Variants in KDM6A observed in about 807,000 individuals in gnomAD.
The protein encoded by KDM6A is lysine demethylase 6A, also known as lysine-specific demethylase 6A.
A neutral mutation model predicts 117.6 loss-of-function variants in KDM6A; 11 were observed. The observed-to-expected ratio is 0.09, with a 90% CI of 0.06 to 0.15. KDM6A has a LOEUF of 0.15. KDM6A is among the 10% of genes least tolerant of loss of function. The pLI is 1.00. For synonymous variants in KDM6A, 384 were observed against 396.1 expected, an observed-to-expected ratio of 0.97 and a Z score of 0.36; for missense variants, 799 against 1,077.3, an observed-to-expected ratio of 0.74 and a Z score of 3.62.
Position 45,082,592 on chromosome X carries a change from G to A in KDM6A, c.3317G>A (p.Arg1106Lys), listed in dbSNP as rs2148141304. Residue 1106 changes from arginine (R) to lysine (K), a missense_variant, in exon 22 of 30, where the codon AGA (arginine) becomes AAA (lysine). Physicochemically the swap from Arg to Lys is conservative, Grantham distance 26 (BLOSUM62 2). This residue lies in a region of KDM6A where 291 missense variants were observed against 437.9 expected (regional missense o/e 0.66). Transcript: ENST00000611820. ...AATCTATAGGAAGAAAATGAAAAAA[G>A]AAGTCATCATAAAGACCACTCAGAT... is the stretch of plus-strand genomic sequence containing the variant. The part of the protein sequence containing the change: ...QESLREENEK[R>K]SHHKDHSDSE... 8.4e-7 allele frequency: 1 copy of A among 1,191,966 alleles called. No homozygotes were observed. Among genetic ancestry groups the A allele is most frequent in the Non-Finnish European group, 1.1e-6 (1 of 879,169 alleles).
intron 2 of KDM6A, among the ~76,000 whole-genome samples, chrX:44,909,471 A>T (rs761786164): frequency 7.1e-4 from 78 of 110,389 alleles, no homozygotes; most frequent in South Asian, 3.9e-3. Context: ...CTTTGCTGCC[A>T]CCCTTCACCC....
chrX:45,031,685 G>A lies in KDM6A; in HGVS notation c.565-3246G>A, dbSNP rs191026146. On this transcript the variant is annotated intron_variant, in intron 6 of 29. Transcript: ENST00000611820. Reference sequence around the variant, plus strand: ...AAAAGTTATCCCATTGCTTGTTTTCGGGATTGGGAATATAGTTGAAGGGTT... The same window carrying A: ...AAAAGTTATCCCATTGCTTGTTTTCAGGATTGGGAATATAGTTGAAGGGTT... Among the ~76,000 whole-genome samples the A allele has an allele frequency of 3.3e-4, 37 of 111,347 alleles. No individual in the cohort carries two copies. In the East Asian group the frequency reaches 8.1e-3, roughly 24 times the overall value.
At chrX:44,947,088 G>T (rs2037685799) in intron 2 of KDM6A, among the ~76,000 whole-genome samples, 1 of 111,647 alleles carries the variant, frequency 9.0e-6, no homozygotes, top group South Asian at 3.7e-4. Context: ...TACATTTGTT[G>T]TGATTAAAAT....
At chrX:44,937,508 T>G (rs1392021170) in intron 2 of KDM6A, among the ~76,000 whole-genome samples, 1 of 111,726 alleles carries the variant, frequency 9.0e-6, no homozygotes, top group Non-Finnish European at 1.9e-5. Context: ...TTATCATTGA[T>G]CAGTGACCTT....
chrX:44,900,870 G>T (rs776024475), intron 2 of KDM6A, among the ~76,000 whole-genome samples: 2 of 112,028 alleles, frequency 1.8e-5, no homozygotes, highest in Non-Finnish European at 3.8e-5. Flanking sequence ...GACAGAGCTA[G>T]ACTTCGTCTC....
At chrX:44,917,219 G>A (rs2035621764) in intron 2 of KDM6A, among the ~76,000 whole-genome samples, 1 of 109,898 alleles carries the variant, frequency 9.1e-6, no homozygotes, top group South Asian at 3.9e-4. Flanking sequence ...TAGAGATAGG[G>A]TTTCACCATG....
At position 45,000,837 on chromosome X, in the gene KDM6A, A is replaced by G. The variant is rs947188598; in HGVS notation, c.385-10124A>G. ...CTACTCCAGGCTGTAGAATCCTGGA[A>G]AAGAGCTACCATGCAGCCCACACCA... is the stretch of plus-strand genomic sequence containing the variant. On this transcript the variant is annotated intron_variant, in intron 4 of 29. Transcript: ENST00000611820. Among the ~76,000 whole-genome samples, 3 of 112,664 alleles carry G rather than the reference A, an allele frequency of 2.7e-5. No individual in the cohort carries two copies. In the South Asian group the frequency reaches 1.1e-3, roughly 41 times the overall value.
intron 17 of KDM6A, among the ~76,000 whole-genome samples, chrX:45,064,658 T>A (rs1277809152): frequency 8.9e-6 from 1 of 112,048 alleles, no homozygotes; most frequent in Non-Finnish European, 1.9e-5. Context: ...TTTAAGAAAA[T>A]GCTCTCAATA....
intron 4 of KDM6A, among the ~76,000 whole-genome samples, chrX:44,979,327 C>T (rs778164288): frequency 4.5e-4 from 49 of 109,522 alleles, no homozygotes; most frequent in Non-Finnish European, 7.6e-4. Context: ...AACTTTAGCC[C>T]GTCTACCTAT....
In KDM6A at chrX:45,101,327, T is replaced by C. The variant is rs796101184; in HGVS notation, c.4035-6083T>C. Among the ~76,000 whole-genome samples the C allele has an allele frequency of 3.6e-5, 4 of 111,960 alleles. No individual in the cohort carries two copies. In the South Asian group the frequency reaches 1.5e-3, roughly 41 times the overall value. ...TCTAAAATAACTTTTATGACTGTTA[T>C]GTGAGTCTTAGCATACGATAAGCAT... On this transcript the variant is annotated intron_variant, in intron 27 of 29. Transcript: ENST00000611820.
intron 4 of KDM6A, among the ~76,000 whole-genome samples, chrX:44,995,132 A>G (rs933835542): frequency 9.0e-6 from 1 of 111,377 alleles, no homozygotes; most frequent in Non-Finnish European, 1.9e-5. Flanking sequence ...CCAACATTTT[A>G]CTAAGAAAGA....
chrX:45,093,381 A>AAAC (rs2045971283), intron 27 of KDM6A, among the ~76,000 whole-genome samples: 2 of 107,111 alleles, frequency 1.9e-5, no homozygotes, highest in African/African-American at 7.1e-5. Context: ...TCTCAAAAAA[A>AAAC]AAACAAACAA....
At position 44,987,049 on chromosome X, in the gene KDM6A, T is replaced by G. The variant is rs945359977; in HGVS notation, c.384+12334T>G. On this transcript the variant is annotated intron_variant, in intron 4 of 29. Transcript: ENST00000611820. ...CATTATCATTGTGTGGGAGTCTAAG[T>G]CTCTTTGTAGGTCTCTAAGGACTTG... Among the ~76,000 whole-genome samples, 18 of 111,375 alleles carry G rather than the reference T, an allele frequency of 1.6e-4. No homozygotes were observed. The South Asian group carries it at 2.3e-3, about 14-fold the overall frequency.
chrX:44,973,969 A>G (rs1602405462), intron 3 of KDM6A, among the ~76,000 whole-genome samples: 1 of 109,954 alleles, frequency 9.1e-6, no homozygotes, highest in Admixed American at 9.7e-5. Context: ...TTTGAAGTAT[A>G]TTTTCCCCTG....
chrX:45,048,459 C>A (rs191457389), intron 8 of KDM6A, among the ~76,000 whole-genome samples: 1 of 111,326 alleles, frequency 9.0e-6, no homozygotes, highest in East Asian at 2.8e-4. Context: ...CTGTTCTGTT[C>A]ATGCATAATT....
Position 45,010,848 on chromosome X carries a change from C to T in KDM6A, c.385-113C>T, listed in dbSNP as rs1394935253. Reference sequence around the variant, plus strand: ...GGTGTTTTAAAAATATATTGTAATGCATGATAGAATTTTAGGACTTAAAAC... The same window carrying T: ...GGTGTTTTAAAAATATATTGTAATGTATGATAGAATTTTAGGACTTAAAAC... On this transcript the variant is annotated intron_variant, in intron 4 of 29. Transcript: ENST00000611820. The T allele has an allele frequency of 9.4e-6, 5 of 530,038 alleles. No individual in the cohort carries two copies. In the South Asian group the frequency reaches 1.5e-4, roughly 15 times the overall value. 43.7% of individuals were successfully genotyped at this position (530,038 alleles called of 1,213,427 possible). A position where few individuals can be genotyped will look rare whatever the true frequency, so the allele number is the denominator to read the frequency against.
rs1465288319 is a variant in KDM6A, at chrX:45,110,165, A to G, written c.4248A>G (p.Lys1416=). 9 of 1,208,859 alleles carry G rather than the reference A, an allele frequency of 7.4e-6. No individual in the cohort carries two copies. The highest frequency in any genetic ancestry group is 8.9e-6 in the Non-Finnish European group (8 of 894,327). The change falls in exon 29 of 30, where the codon AAA becomes AAG. Residue 1416 remains lysine (K), a synonymous_variant. Coordinates refer to ENST00000611820, the MANE Select transcript of KDM6A (RefSeq NM_001291415.2). ...TACATTGCCAAGATTGTGCACGAAA[A>G]ACAAGCGGAAACTTGGAAAACTTTG... The part of the protein sequence containing the change: ...YIVHCQDCAR[K]TSGNLENFVV...
At chrX:44,990,884 A>G (rs1451951501) in intron 4 of KDM6A, among the ~76,000 whole-genome samples, 1 of 111,975 alleles carries the variant, frequency 8.9e-6, no homozygotes, top group African/African-American at 3.2e-5. Context: ...TGTTATCAGT[A>G]TTGTAAACAT....
chrX:45,060,232 T>A, intron 13 of KDM6A, 76 bp downstream of exon 13: 3 of 1,186,968 alleles, frequency 2.5e-6, no homozygotes, highest in Non-Finnish European at 3.4e-6. Context: ...CAAGCTTAAT[T>A]TACTAAGCAC....
Sources: allele counts gnomAD v4.1 joint callset (sites outside exome capture counted in the v4.1 genomes callset), GRCh38; gene constraint gnomAD v4.1.1; regional missense constraint gnomAD v4.1.1; transcripts MANE v1.5; gene names NCBI Gene and HGNC (gene_info 2026-07-23, HGNC 2026-07-21).